Variants in CACNA1C observed in about 807,000 individuals in gnomAD.
CACNA1C encodes calcium voltage-gated channel subunit alpha1 C, also known as voltage-dependent L-type calcium channel subunit alpha-1C.
Under a neutral mutation model 229.0 loss-of-function variants are expected in CACNA1C, and 30 were observed. That is an observed-to-expected ratio of 0.13 (90% CI 0.10 to 0.18). The LOEUF (loss-of-function observed/expected upper bound fraction) is 0.18. CACNA1C is among the 10% of genes least tolerant of loss of function. CACNA1C has a pLI of 1.00. For synonymous variants in CACNA1C, 1,114 were observed against 1,132.5 expected (o/e 0.98, Z 0.33); for missense variants, 1,658 against 2,845.0 (o/e 0.58, Z 9.49).
In CACNA1C at chr12:2,083,647, A is replaced by C. The variant is rs138624850; in HGVS notation, c.49+30036A>C. On this transcript the variant is annotated intron_variant, in intron 1 of 46. Coordinates refer to ENST00000399655, the MANE Select transcript of CACNA1C (RefSeq NM_000719.7). Reference sequence around the variant, plus strand: ...TATGATACTGAAGAAAATGCTGTGTAAACTTTAAAACAATACAAATGTAAG... The same window carrying C: ...TATGATACTGAAGAAAATGCTGTGTCAACTTTAAAACAATACAAATGTAAG... Among the ~76,000 whole-genome samples, 525 of 152,360 alleles carry C rather than the reference A, an allele frequency of 3.4e-3. 1 individual carries two copies. The highest frequency in any genetic ancestry group is 0.012 in the African/African-American group (496 of 41,586).
chr12:2,646,683 A>G lies in CACNA1C; in HGVS notation c.3913-1792A>G, dbSNP rs1011779072. ...TAGCTAGACCTGACCATCCTGGGCA[A>G]CTATCACACACCAGAGCAAAAGGGG... On this transcript the variant is annotated intron_variant, in intron 30 of 46. Transcript: ENST00000399655. This position sits in a 1 kb window ranked among gnomAD's most constrained non-coding sequence, Gnocchi z 4.6. Among the ~76,000 whole-genome samples the G allele has an allele frequency of 3.8e-4, 58 of 152,134 alleles. No homozygotes were observed. The highest frequency in any genetic ancestry group is 1.3e-3 in the African/African-American group (55 of 41,424).
chr12:2,310,732 C>A (rs1267638465), intron 3 of CACNA1C, among the ~76,000 whole-genome samples: 2 of 152,170 alleles, frequency 1.3e-5, no homozygotes, highest in African/African-American at 4.8e-5. Context: ...CTGTGGGCAC[C>A]AGTTCTCTGG....
In CACNA1C at chr12:2,215,006, G is replaced by T. The variant is rs954835121; in HGVS notation, c.477+94576G>T. ...GGCACAGGGGCTCTCTCTGGGTTTG[G>T]ACTGGAGCACCTCATGGGTGTGAAG... On this transcript the variant is annotated intron_variant, in intron 3 of 46. Coordinates refer to ENST00000399655, the MANE Select transcript of CACNA1C (RefSeq NM_000719.7). The surrounding 1 kb of genome is among the most constrained non-coding windows in gnomAD (Gnocchi z 5.0). Among the ~76,000 whole-genome samples the T allele has an allele frequency of 1.3e-5, 2 of 152,088 alleles. No individual in the cohort carries two copies. Among genetic ancestry groups the T allele is most frequent in the African/African-American group, 4.8e-5 (2 of 41,402 alleles).
At chr12:2,295,040 G>A (rs1027337959) in intron 3 of CACNA1C, among the ~76,000 whole-genome samples, 1 of 152,118 alleles carries the variant, frequency 6.6e-6, no homozygotes, top group Non-Finnish European at 1.5e-5. Flanking sequence ...CACGTCTTCC[G>A]GGGCTGGCTT....
intron 3 of CACNA1C, among the ~76,000 whole-genome samples, chr12:2,128,718 T>TA (rs1189987664): frequency 6.6e-6 from 1 of 152,138 alleles, no homozygotes; most frequent in Non-Finnish European, 1.5e-5. Context: ...GCCAGGTAAA[T>TA]ACATTATTAT....
intron 3 of CACNA1C, among the ~76,000 whole-genome samples, chr12:2,206,279 T>C (rs75996077): frequency 2.6e-5 from 4 of 152,232 alleles, no homozygotes; most frequent in African/African-American, 7.2e-5. Context: ...GAAATGTGGA[T>C]TTGTATTTTC....
chr12:2,572,336 TTCTTCC>T (rs2055211669), intron 13 of CACNA1C, among the ~76,000 whole-genome samples: 4 of 24,792 alleles, frequency 1.6e-4, no homozygotes, highest in African/African-American at 4.5e-4. Context: ...CCTCCTTCTC[TTCTTCC>T]TCCTCCTCCT....
At chr12:2,415,314 C>G (rs1351028009) in intron 3 of CACNA1C, among the ~76,000 whole-genome samples, 2 of 152,134 alleles carry the variant, frequency 1.3e-5, no homozygotes, top group Non-Finnish European at 2.9e-5. Flanking sequence ...TCCTATGAGC[C>G]ACATCCACGC....
rs148471753 is a variant in CACNA1C, at chr12:2,174,377, T to C, written c.477+53947T>C. Among the ~76,000 whole-genome samples, 1,181 of 152,308 alleles carry C rather than the reference T, an allele frequency of 7.8e-3. 11 individuals carry two copies. The highest frequency in any genetic ancestry group is 0.027 in the African/African-American group (1,107 of 41,564). Reference sequence around the variant, plus strand: ...GTGCTCAGAACTATTCTAGGTACTTTGAATTTTTTTAACCTCATTAAGTTC... The same window carrying C: ...GTGCTCAGAACTATTCTAGGTACTTCGAATTTTTTTAACCTCATTAAGTTC... On this transcript the variant is annotated intron_variant, in intron 3 of 46. Coordinates refer to ENST00000399655, the MANE Select transcript of CACNA1C (RefSeq NM_000719.7).
At chr12:1,979,639 C>A (rs990999095) in intron 1 of CACNA1C, among the ~76,000 whole-genome samples, 1 of 152,194 alleles carries the variant, frequency 6.6e-6, no homozygotes, top group Non-Finnish European at 1.5e-5. Flanking sequence ...TAACTACGAA[C>A]GGAACTTGTT....
Position 2,618,725 on chromosome 12 carries a change from C to T in CACNA1C, c.3828+6712C>T, listed in dbSNP as rs115271206. On this transcript the variant is annotated intron_variant, in intron 29 of 46. Transcript: ENST00000399655. ...TGGACTGTTGAGAGACATTTCAGAA[C>T]GTGTTCTTAAAAGCTCAGTCAAGGA... is the stretch of plus-strand genomic sequence containing the variant. 7.2e-5 allele frequency among the ~76,000 whole-genome samples: 11 copies of T among 152,308 alleles called. No homozygotes were observed. In the East Asian group the frequency reaches 7.7e-4, roughly 11 times the overall value.
chr12:2,185,106 A>G (rs1805715556), intron 3 of CACNA1C, among the ~76,000 whole-genome samples: 1 of 152,136 alleles, frequency 6.6e-6, no homozygotes, highest in African/African-American at 2.4e-5. Flanking sequence ...CAGGAGTTCA[A>G]ATGTCCCCAC....
intron 10 of CACNA1C, 30 bp from the exon 11 acceptor site, chr12:2,556,921 C>G: frequency 6.2e-7 from 1 of 1,603,280 alleles, no homozygotes; most frequent in Non-Finnish European, 8.5e-7. Context: ...TGTGTCCATC[C>G]TTTGGTAACA....
intron 1 of CACNA1C, among the ~76,000 whole-genome samples, chr12:2,080,450 A>C (rs1256234448): frequency 6.6e-6 from 1 of 151,586 alleles, no homozygotes; most frequent in Admixed American, 6.6e-5. Flanking sequence ...AAATACAAAA[A>C]ATTAGCTGGA....
chr12:2,626,124 G>A (rs749080189), intron 29 of CACNA1C, among the ~76,000 whole-genome samples: 1 of 152,246 alleles, frequency 6.6e-6, no homozygotes, highest in Non-Finnish European at 1.5e-5. Context: ...TCTTGTTCAA[G>A]AGTGTGGGTG....
At chr12:2,014,011 T>C (rs1278923598) in intron 1 of CACNA1C, among the ~76,000 whole-genome samples, 4 of 152,314 alleles carry the variant, frequency 2.6e-5, no homozygotes, top group Admixed American at 2.6e-4. Context: ...GGGAAGGGTG[T>C]TTTCCACATT....
chr12:2,060,128 C>T (rs2154515508), intron 1 of CACNA1C, among the ~76,000 whole-genome samples: 1 of 152,340 alleles, frequency 6.6e-6, no homozygotes, highest in South Asian at 2.1e-4. Flanking sequence ...ACAGATCTGC[C>T]TCTAAGCCTT....
chr12:2,275,170 T>C lies in CACNA1C; in HGVS notation c.477+154740T>C, dbSNP rs558267678. Among the ~76,000 whole-genome samples the C allele has an allele frequency of 3.9e-4, 59 of 152,338 alleles. No homozygotes were observed. The highest frequency in any genetic ancestry group is 1.3e-3 in the African/African-American group (54 of 41,574). On this transcript the variant is annotated intron_variant, in intron 3 of 46. Transcript: ENST00000399655. The surrounding 1 kb of genome is among the most constrained non-coding windows in gnomAD (Gnocchi z 4.1). Reference sequence around the variant, plus strand: ...TTTTGATCTGCTTGAAAATTAGTTGTGGCAGTGTGTTTGGTGTGTAATCAT... The same window carrying C: ...TTTTGATCTGCTTGAAAATTAGTTGCGGCAGTGTGTTTGGTGTGTAATCAT...
intron 3 of CACNA1C, among the ~76,000 whole-genome samples, chr12:2,329,544 A>G (rs1222006777): frequency 1.3e-5 from 2 of 152,184 alleles, no homozygotes; most frequent in Admixed American, 6.5e-5. Flanking sequence ...TATTCTGCAC[A>G]TGCCACATGC....
Sources: gnomAD v4.1 joint callset for allele counts (sites outside exome capture counted in the v4.1 genomes callset) on GRCh38, gnomAD v4.1.1 for gene constraint, Gnocchi (gnomAD v3.1) non-coding constraint, MANE v1.5 for transcripts, NCBI Gene and HGNC (gene_info 2026-07-23, HGNC 2026-07-21) for gene names.